Variants in LRRTM3 observed in about 807,000 individuals in gnomAD.
LRRTM3 encodes the protein leucine-rich repeat transmembrane neuronal protein 3.
Under a neutral mutation model 44.7 loss-of-function variants are expected in LRRTM3, and 24 were observed. The ratio of observed to expected loss-of-function variants is 0.54; its 90% CI spans 0.39 to 0.76. LRRTM3 has a LOEUF of 0.76. Ranked by LOEUF, LRRTM3 falls within the 30% of genes least tolerant of loss-of-function variation. The pLI is 0.00. For synonymous variants in LRRTM3, 277 were observed against 278.7 expected, an observed-to-expected ratio of 0.99 and a Z score of 0.06; for missense variants, 587 against 702.2, an observed-to-expected ratio of 0.84 and a Z score of 1.85.
In LRRTM3 at chr10:67,088,289, G is replaced by C. The variant is rs10997499; in HGVS notation, c.1537-9298G>C. Among the ~76,000 whole-genome samples, 468 of 151,760 alleles carry C rather than the reference G, an allele frequency of 3.1e-3. 2 individuals carry two copies. Among genetic ancestry groups the C allele is most frequent in the African/African-American group, 0.011 (452 of 41,462 alleles). ...GGCATTCAGCAAACCTTCACTGAAG[G>C]AATGAGTGAATAAATTAACGAATGA... On this transcript the variant is annotated intron_variant, in intron 2 of 2. Transcript: ENST00000361320.
chr10:67,030,050 T>C (rs1353175898), intron 2 of LRRTM3, among the ~76,000 whole-genome samples: 1 of 152,250 alleles, frequency 6.6e-6, no homozygotes, highest in Non-Finnish European at 1.5e-5. Context: ...TTAATTTTTT[T>C]CTAAAAAACA....
chr10:66,987,755 C>A (rs966009243), intron 2 of LRRTM3, among the ~76,000 whole-genome samples: 11 of 152,128 alleles, frequency 7.2e-5, no homozygotes, highest in Non-Finnish European at 1.3e-4. Flanking sequence ...TGAACTACTT[C>A]ATTTCTGTGA....
intron 2 of LRRTM3, among the ~76,000 whole-genome samples, chr10:66,987,682 TTACCA>T (rs1467613263): frequency 6.6e-6 from 1 of 152,176 alleles, no homozygotes; most frequent in African/African-American, 2.4e-5. Context: ...ATTCAAAGAC[TTACCA>T]TTACACTTTA....
chr10:67,020,624 G>A (rs563724367), intron 2 of LRRTM3, among the ~76,000 whole-genome samples: 9 of 152,064 alleles, frequency 5.9e-5, no homozygotes, highest in Non-Finnish European at 2.9e-5. Flanking sequence ...GATTGCTTAA[G>A]GACAGCCCCT....
chr10:67,077,719 TATG>T, intron 2 of LRRTM3, among the ~76,000 whole-genome samples: 2 of 152,296 alleles, frequency 1.3e-5, no homozygotes, highest in Middle Eastern at 6.8e-3. Flanking sequence ...TGTATCCCCT[TATG>T]ATAATATCTA....
chr10:67,020,016 A>C (rs1239978414), intron 2 of LRRTM3, among the ~76,000 whole-genome samples: 1 of 2,428 alleles, frequency 4.1e-4, no homozygotes, highest in South Asian at 0.25. Context: ...TACCAATATC[A>C]ACTGCTTTCC....
chr10:67,049,338 A>G (rs909847297), intron 2 of LRRTM3, among the ~76,000 whole-genome samples: 2 of 152,168 alleles, frequency 1.3e-5, no homozygotes, highest in South Asian at 2.1e-4. Context: ...TCAGGGAAAA[A>G]GCATTAAATT....
At chr10:67,049,172 A>G (rs1423243989) in intron 2 of LRRTM3, among the ~76,000 whole-genome samples, 2 of 152,068 alleles carry the variant, frequency 1.3e-5, no homozygotes, top group Non-Finnish European at 2.9e-5. Context: ...AGCATCATTT[A>G]GAGGAAAAGA....
chr10:66,968,656 G>A (rs72804650), intron 2 of LRRTM3, among the ~76,000 whole-genome samples: 34,979 of 151,894 alleles, frequency 0.23, 4,583 homozygotes, highest in South Asian at 0.3. Context: ...TAAATAAGTG[G>A]CTATGAAACT....
At chr10:66,992,705 T>G (rs1016414187) in intron 2 of LRRTM3, among the ~76,000 whole-genome samples, 2 of 152,206 alleles carry the variant, frequency 1.3e-5, no homozygotes, top group African/African-American at 2.4e-5. Context: ...ATTTAAGTCT[T>G]TAATCAATCT....
intron 2 of LRRTM3, among the ~76,000 whole-genome samples, chr10:67,069,079 T>C (rs1400580592): frequency 1.3e-5 from 2 of 151,450 alleles, no homozygotes; most frequent in East Asian, 1.9e-4. Flanking sequence ...AAAATATATA[T>C]GAAAGAAACA....
intron 2 of LRRTM3, among the ~76,000 whole-genome samples, chr10:67,049,570 CA>C (rs1437499058): frequency 6.6e-6 from 1 of 152,128 alleles, no homozygotes; most frequent in Non-Finnish European, 1.5e-5. Context: ...GTTTATTTCA[CA>C]AGGTTGCTTT....
intron 2 of LRRTM3, among the ~76,000 whole-genome samples, chr10:66,943,856 C>A (rs183742124): frequency 6.6e-6 from 1 of 152,154 alleles, no homozygotes; most frequent in Non-Finnish European, 1.5e-5. Flanking sequence ...TGCAGTAGCA[C>A]TATGTCAAAG....
chr10:66,964,215 CACA>C (rs1206140924), intron 2 of LRRTM3, among the ~76,000 whole-genome samples: 1 of 151,958 alleles, frequency 6.6e-6, no homozygotes, highest in Non-Finnish European at 1.5e-5. Flanking sequence ...TGGGATTCAG[CACA>C]ACATTCTTCT....
chr10:67,017,440 T>A, intron 2 of LRRTM3, among the ~76,000 whole-genome samples: 1 of 152,150 alleles, frequency 6.6e-6, no homozygotes, highest in Non-Finnish European at 1.5e-5. Context: ...TAAAAAGAAA[T>A]CTACTCTGTG....
chr10:66,961,846 C>T (rs1564796683), intron 2 of LRRTM3, among the ~76,000 whole-genome samples: 1 of 152,090 alleles, frequency 6.6e-6, no homozygotes. Context: ...TAAACCTATT[C>T]CTCCTCTAAT....
chr10:67,003,483 T>C (rs1589583682), intron 2 of LRRTM3, among the ~76,000 whole-genome samples: 1 of 152,210 alleles, frequency 6.6e-6, no homozygotes, highest in Non-Finnish European at 1.5e-5. Flanking sequence ...TCGAATACTT[T>C]TGGGAAACTT....
intron 2 of LRRTM3, among the ~76,000 whole-genome samples, chr10:67,032,115 A>G (rs1853763933): frequency 6.6e-6 from 1 of 152,150 alleles, no homozygotes; most frequent in Non-Finnish European, 1.5e-5. Flanking sequence ...TTTTCCCACA[A>G]GGTTTGTTTC....
At position 66,927,471 on chromosome 10, in the gene LRRTM3, T is replaced by C; in HGVS notation, c.555T>C (p.Leu185=). ...TCCAAGACTGCCGCAACCTGGAACTTTTGGACCTGGGATATAACCGGATCC... is the reference window on the plus strand; with the variant it reads ...TCCAAGACTGCCGCAACCTGGAACTCTTGGACCTGGGATATAACCGGATCC... The part of the protein sequence containing the change: ...RIFQDCRNLE[L]LDLGYNRIRS... Residue 185 remains leucine (L), a synonymous_variant, in exon 2 of 3, where the codon CTT becomes CTC. Coordinates refer to ENST00000361320, the MANE Select transcript of LRRTM3 (RefSeq NM_178011.5). The surrounding 1 kb of genome is among the most constrained non-coding windows in gnomAD (Gnocchi z 4.7). The C allele has an allele frequency of 6.2e-7, 1 of 1,614,092 alleles. No individual in the cohort carries two copies. The highest frequency in any genetic ancestry group is 1.1e-5 in the South Asian group (1 of 91,082).
Sources: allele counts gnomAD v4.1 joint callset (sites outside exome capture counted in the v4.1 genomes callset), GRCh38; gene constraint gnomAD v4.1.1; non-coding constraint Gnocchi (gnomAD v3.1); transcripts MANE v1.5; gene names NCBI Gene and HGNC (gene_info 2026-07-23, HGNC 2026-07-21).